The following TPST1 variants were observed in gnomAD, a reference collection of about 807,000 sequenced individuals.
TPST1 encodes the protein tyrosylprotein sulfotransferase 1, also known as protein-tyrosine sulfotransferase 1.
TPST1 carries 20 observed loss-of-function variants against 34.8 expected under a neutral mutation model. The observed-to-expected ratio is 0.57, with a 90% CI of 0.40 to 0.84. TPST1 has a LOEUF of 0.84. TPST1 is among the 40% of genes least tolerant of loss of function. The pLI, the probability that TPST1 is intolerant of heterozygous loss-of-function variation, is 0.00. For synonymous variants in TPST1, 152 were observed against 159.4 expected (o/e 0.95, Z 0.35); for missense variants, 353 against 455.5 (o/e 0.78, Z 2.05).
At chr7:66,278,030 G>C (rs1437314451) in intron 2 of TPST1, among the ~76,000 whole-genome samples, 1 of 145,624 alleles carries the variant, frequency 6.9e-6, no homozygotes, top group African/African-American at 2.5e-5. Flanking sequence ...AGCCCATGAG[G>C]TGGACGTTGC....
At chr7:66,224,901 CTTTTTTTTTTT>C (rs780952403) in intron 1 of TPST1, among the ~76,000 whole-genome samples, 63 of 42,416 alleles carry the variant, frequency 1.5e-3, no homozygotes, top group East Asian at 3.3e-3. Context: ...TTCTGGTATT[CTTTTTTTTTTT>C]TTTTTTTTTT....
At chr7:66,285,310 G>A (rs902008578) in intron 2 of TPST1, among the ~76,000 whole-genome samples, 1 of 152,148 alleles carries the variant, frequency 6.6e-6, no homozygotes, top group African/African-American at 2.4e-5. Flanking sequence ...GGCAAACGAG[G>A]ATGTTCTTTA....
rs2115737692 is a variant in TPST1, at chr7:66,263,815, T to A, written c.845+22545T>A. Among the ~76,000 whole-genome samples, 2 of 152,176 alleles carry A rather than the reference T, an allele frequency of 1.3e-5. 1 individual carries two copies. The highest frequency in any genetic ancestry group is 4.8e-5 in the African/African-American group (2 of 41,502). On this transcript the variant is annotated intron_variant, in intron 2 of 5. Coordinates refer to ENST00000304842, the MANE Select transcript of TPST1 (RefSeq NM_003596.4). ...GCGGCACAGTAAAGAAGTGTAAAAT[T>A]TTACCCTTCCATAAGAGCGACAGAA... is the stretch of plus-strand genomic sequence containing the variant.
intron 4 of TPST1, among the ~76,000 whole-genome samples, chr7:66,354,480 C>T (rs1214490529): frequency 1.1e-4 from 14 of 128,206 alleles, no homozygotes; most frequent in African/African-American, 3.5e-4. Flanking sequence ...TGGTGGTGTG[C>T]GCCTGTAATC....
chr7:66,356,148 T>C (rs77683265), intron 4 of TPST1, among the ~76,000 whole-genome samples: 2,233 of 152,276 alleles, frequency 0.015, 61 homozygotes, highest in East Asian at 0.093. Context: ...CAGAAACTCA[T>C]AGAACCTTCA....
the TPST1 span, among the ~76,000 whole-genome samples, chr7:66,199,599 T>A: frequency 1.8e-4 from 27 of 151,414 alleles, no homozygotes; most frequent in Non-Finnish European, 5.9e-5. Flanking sequence ...TGGCCTCAAA[T>A]TTTTCATTTC....
At chr7:66,349,437 TG>T (rs1792424768) in intron 3 of TPST1, among the ~76,000 whole-genome samples, 1 of 152,106 alleles carries the variant, frequency 6.6e-6, no homozygotes, top group South Asian at 2.1e-4. Context: ...CCAGGCGTGG[TG>T]GTGCATGCCT....
At chr7:66,323,394 G>C (rs1281911286) in intron 3 of TPST1, among the ~76,000 whole-genome samples, 1 of 152,038 alleles carries the variant, frequency 6.6e-6, no homozygotes, top group African/African-American at 2.4e-5. Context: ...GCTTTCTTCT[G>C]TTCTTAGTTT....
At position 66,267,943 on chromosome 7, in the gene TPST1, T is replaced by TTTCCTTCC. The variant is rs1473819434; in HGVS notation, c.846-18561_846-18554dup. Among the ~76,000 whole-genome samples, 13 of 152,054 alleles carry TTTCCTTCC rather than the reference T, an allele frequency of 8.5e-5. No homozygotes were observed. In the East Asian group the frequency reaches 2.5e-3, roughly 29 times the overall value. On this transcript the variant is annotated intron_variant, in intron 2 of 5. Transcript: ENST00000304842. ...TTCCTTCTTTCCTTCCTTTCCTTCC[T>TTTCCTTCC]TTCCTTCCTTCCTTTCGTCCTTTTT...
In TPST1 at chr7:66,355,474, CA is replaced by C. The variant is rs200654978; in HGVS notation, c.1096-1340del. On this transcript the variant is annotated intron_variant, in intron 4 of 5. Coordinates refer to ENST00000304842, the MANE Select transcript of TPST1 (RefSeq NM_003596.4). Reference sequence around the variant, plus strand: ...TGGGAAAGATTGCGAGACTCCCTCTCAAAAAAAAAAACAAAAAACAAACAAA... The same window carrying C: ...TGGGAAAGATTGCGAGACTCCCTCTCAAAAAAAAAACAAAAAACAAACAAA... Among the ~76,000 whole-genome samples the C allele has an allele frequency of 3.6e-4, 46 of 129,422 alleles. No individual in the cohort carries two copies. In the East Asian group the frequency reaches 3.6e-3, roughly 10 times the overall value. The allele number at this position is 129,422 out of a possible 152,430, so 84.9% of individuals were successfully genotyped here.
chr7:66,304,306 G>A (rs147765254), intron 3 of TPST1, among the ~76,000 whole-genome samples: 171 of 152,304 alleles, frequency 1.1e-3, no homozygotes, highest in East Asian at 3.7e-3. Flanking sequence ...GTAGGACTCA[G>A]TGTGGGATCC....
intron 1 of TPST1, among the ~76,000 whole-genome samples, chr7:66,231,398 C>T (rs1482335742): frequency 1.3e-5 from 2 of 152,094 alleles, no homozygotes; most frequent in Non-Finnish European, 2.9e-5. Context: ...GACTGGGTGC[C>T]GTGGAGCAGG....
chr7:66,332,394 A>G lies in TPST1; in HGVS notation c.1045-20111A>G, dbSNP rs1451419976. Among the ~76,000 whole-genome samples, 1 of 151,768 alleles carries G rather than the reference A, an allele frequency of 6.6e-6. No homozygotes were observed. ...GCGATTCTCCTGCCTCAGCCTCCCG[A>G]GTAGCTGGGATTACAGGTGCCCGCC... is the stretch of plus-strand genomic sequence containing the variant. On this transcript the variant is annotated intron_variant, in intron 3 of 5. Coordinates refer to ENST00000304842, the MANE Select transcript of TPST1 (RefSeq NM_003596.4). The surrounding 1 kb of genome is among the most constrained non-coding windows in gnomAD (Gnocchi z 4.5).
At position 66,286,520 on chromosome 7, in the gene TPST1, A is replaced by G; in HGVS notation, c.855A>G (p.Arg285=). 1 of 1,592,938 alleles carries G rather than the reference A, an allele frequency of 6.3e-7. No homozygotes were observed. Among genetic ancestry groups the G allele is most frequent in the Non-Finnish European group, 8.6e-7 (1 of 1,168,350 alleles). Residue 285 remains arginine, a synonymous_variant, in exon 3 of 6, where the codon AGA becomes AGG. Coordinates refer to ENST00000304842, the MANE Select transcript of TPST1 (RefSeq NM_003596.4). ...AGGVSLSKVE[R]STDQVIKPVN... is the part of the protein sequence containing the mutation. ...ATTATGTTGTTTTCAGAGTGGAGAG[A>G]TCTACAGACCAAGTAATCAAGCCAG... is the stretch of plus-strand genomic sequence containing the variant.
intron 2 of TPST1, among the ~76,000 whole-genome samples, chr7:66,279,057 G>C (rs1258385566): frequency 1.3e-5 from 2 of 152,044 alleles, no homozygotes; most frequent in Non-Finnish European, 2.9e-5. Flanking sequence ...GTACTCTATG[G>C]GTAGTTTTTC....
At chr7:66,238,680 T>G (rs1016148931) in intron 1 of TPST1, among the ~76,000 whole-genome samples, 2 of 152,348 alleles carry the variant, frequency 1.3e-5, no homozygotes, top group African/African-American at 4.8e-5. Flanking sequence ...TCTGTTGATT[T>G]AAGTGTTAAT....
At position 66,347,059 on chromosome 7, in the gene TPST1, C is replaced by CT. The variant is rs71051352; in HGVS notation, c.1045-5420dup. On this transcript the variant is annotated intron_variant, in intron 3 of 5. Transcript: ENST00000304842. ...TTTCTTCTTTTTTTCCTTTGCTTTT[C>CT]TTTTTTTTTTTTTTTTTTTTTTTTT... Among the ~76,000 whole-genome samples, 284 of 59,956 alleles carry CT rather than the reference C, an allele frequency of 4.7e-3. 80 individuals are homozygous for CT. Among genetic ancestry groups the CT allele is most frequent in the African/African-American group, 7.3e-3 (110 of 15,070 alleles). 39.3% of individuals were successfully genotyped at this position (59,956 alleles called of 152,430 possible). A position where few individuals can be genotyped will look rare whatever the true frequency, so the allele number is the denominator to read the frequency against.
At chr7:66,224,915 T>C (rs1431674800) in intron 1 of TPST1, among the ~76,000 whole-genome samples, 1 of 119,236 alleles carries the variant, frequency 8.4e-6, no homozygotes, top group African/African-American at 3.1e-5. Flanking sequence ...TTTTTTTTTT[T>C]TTTTTTTTTT....
rs529594194 is a variant in TPST1, at chr7:66,281,289, C to CT, written c.846-5215dup. Among the ~76,000 whole-genome samples the CT allele has an allele frequency of 1.4e-3, 210 of 152,146 alleles. 2 individuals are homozygous for CT. The highest frequency in any genetic ancestry group is 2.3e-3 in the Non-Finnish European group (156 of 67,970). ...ATCAGGGATATTGGCCTGAAGTTTT[C>CT]TTTTTTTGTTGTATCTCTGATAGGT... On this transcript the variant is annotated intron_variant, in intron 2 of 5. Transcript: ENST00000304842.
Sources: gnomAD v4.1 joint callset for allele counts (sites outside exome capture counted in the v4.1 genomes callset) on GRCh38, gnomAD v4.1.1 for gene constraint, Gnocchi (gnomAD v3.1) non-coding constraint, MANE v1.5 for transcripts, NCBI Gene and HGNC (gene_info 2026-07-23, HGNC 2026-07-21) for gene names.